The following SLC40A1 variants were observed in gnomAD, a reference collection of about 807,000 sequenced individuals.
The protein encoded by SLC40A1 is ferroportin.
In SLC40A1, 16 loss-of-function variants were observed where a neutral mutation model predicts 53.5. The observed-to-expected ratio is 0.30, with a 90% CI of 0.20 to 0.45. SLC40A1 has a LOEUF of 0.45. SLC40A1 is among the 20% of genes least tolerant of loss of function. SLC40A1 has a pLI of 1.00. For missense variants in SLC40A1, 545 were observed against 695.4 expected (o/e 0.78, Z 2.43); for synonymous variants, 247 against 253.2 (o/e 0.98, Z 0.23).
chr2:189,573,390 C>G (rs770231940), intron 3 of SLC40A1, among the ~76,000 whole-genome samples: 24 of 152,320 alleles, frequency 1.6e-4, no homozygotes, highest in Non-Finnish European at 2.8e-4. Context: ...CAGGCTGAAT[C>G]TGATAATATG....
At chr2:189,566,099 A>G (rs1012800322) in intron 5 of SLC40A1, among the ~76,000 whole-genome samples, 1 of 152,184 alleles carries the variant, frequency 6.6e-6, no homozygotes, top group Non-Finnish European at 1.5e-5. Flanking sequence ...TTTATTAAAT[A>G]CTATGGTGAA....
chr2:189,575,015 G>A, intron 3 of SLC40A1, 146 bp downstream of exon 3: 1 of 872,590 alleles, frequency 1.1e-6, no homozygotes, highest in Non-Finnish European at 1.9e-6. Context: ...ATCCAGAGGT[G>A]GTGCCATCTA....
At position 189,579,861 on chromosome 2, in the gene SLC40A1, C is replaced by T; in HGVS notation, c.63G>A (p.Leu21=). The part of the protein sequence containing the change: ...RGCCGSLADY[L]TSAKFLLYLG... Reference sequence around the variant, plus strand: ...GGTAGAGAAGGAATTTTGCAGAGGTCAGGTAGTCGGCCAAGGATCCTGCAA... The same window carrying T: ...GGTAGAGAAGGAATTTTGCAGAGGTTAGGTAGTCGGCCAAGGATCCTGCAA... The change falls in exon 2 of 8, where the codon CTG becomes CTA. Residue 21 remains leucine, a synonymous_variant. Transcript: ENST00000261024. 3.7e-6 allele frequency: 6 copies of T among 1,614,158 alleles called. No individual in the cohort carries two copies. The highest frequency in any genetic ancestry group is 4.2e-6 in the Non-Finnish European group (5 of 1,180,026).
intron 2 of SLC40A1, among the ~76,000 whole-genome samples, chr2:189,576,143 A>T (rs1325952294): frequency 2.0e-5 from 3 of 152,196 alleles, no homozygotes; most frequent in Non-Finnish European, 4.4e-5. Flanking sequence ...ATGTCTTAAA[A>T]AATCTACAGT....
At chr2:189,578,289 A>G in intron 2 of SLC40A1, 1 of 1,002,038 alleles carries the variant, frequency 1.0e-6, no homozygotes, top group Non-Finnish European at 1.2e-6. Flanking sequence ...TAAACCTTAT[A>G]TGATTGTAGT....
At chr2:189,568,290 A>C (rs10199569) in intron 5 of SLC40A1, among the ~76,000 whole-genome samples, 128,847 of 152,032 alleles carry the variant, frequency 0.85, 55,036 homozygotes, top group East Asian at 0.91. Flanking sequence ...AGATCAAGAC[A>C]ATCCTGGCTA....
intron 5 of SLC40A1, among the ~76,000 whole-genome samples, chr2:189,566,848 A>G (rs1331536258): frequency 1.3e-5 from 2 of 152,192 alleles, no homozygotes; most frequent in Admixed American, 6.5e-5. Flanking sequence ...GTCCTCTAGG[A>G]AAGTGGAGAA....
At chr2:189,580,279 A>G in intron 1 of SLC40A1, 139 bp downstream of exon 1, 1 of 956,194 alleles carries the variant, frequency 1.0e-6, no homozygotes, top group East Asian at 2.4e-5. Context: ...CTTAACGTCC[A>G]CCAAATATGA....
chr2:189,572,800 C>T (rs1343407516), intron 4 of SLC40A1, 46 bp downstream of exon 4: 3 of 1,333,978 alleles, frequency 2.2e-6, no homozygotes, highest in East Asian at 2.3e-5. Context: ...TTTACCACTA[C>T]CAGATATTCA....
intron 3 of SLC40A1, among the ~76,000 whole-genome samples, chr2:189,573,368 C>T (rs1574244269): frequency 6.6e-6 from 1 of 152,208 alleles, no homozygotes; most frequent in Admixed American, 6.5e-5. Context: ...AAATCTACAA[C>T]CTCCTACATG....
chr2:189,574,937 G>A (rs911216991), intron 3 of SLC40A1, among the ~76,000 whole-genome samples: 13 of 152,168 alleles, frequency 8.5e-5, no homozygotes, highest in African/African-American at 2.9e-4. Flanking sequence ...AACAGCCAAA[G>A]ATACAAAAAA....
At position 189,580,694 on chromosome 2, in the gene SLC40A1, G is replaced by C; in HGVS notation, c.-234C>G. 1 of 1,462,922 alleles carries C rather than the reference G, an allele frequency of 6.8e-7. No homozygotes were observed. Among genetic ancestry groups the C allele is most frequent in the Non-Finnish European group, 9.0e-7 (1 of 1,109,718 alleles). The allele number at this position is 1,462,922 out of a possible 1,614,324, so 90.6% of individuals were successfully genotyped here. A position where few individuals can be genotyped will look rare whatever the true frequency, so the allele number is the denominator to read the frequency against. On this transcript the variant is annotated 5_prime_UTR_variant, in exon 1 of 8. Transcript: ENST00000261024. Reference sequence around the variant, plus strand: ...CTAACACTGTAGCTGAAGTTGGAAAGGCAAAGCCTTATGGAAGCGGTTTGG... The same window carrying C: ...CTAACACTGTAGCTGAAGTTGGAAACGCAAAGCCTTATGGAAGCGGTTTGG...
rs2031030630 is a variant in SLC40A1 at position 189,568,766 on chromosome 2, A to G, written c.514+2949T>C. ...TTTGTCTACTTCATATATGAAATCG[A>G]TTTTTAATCAATACCACACGAACAC... On this transcript the variant is annotated intron_variant, in intron 5 of 7. Transcript: ENST00000261024. Among the ~76,000 whole-genome samples, 5 of 152,344 alleles carry G rather than the reference A, an allele frequency of 3.3e-5. No individual in the cohort carries two copies. The South Asian group carries it at 1.0e-3, about 32-fold the overall frequency.
intron 2 of SLC40A1, among the ~76,000 whole-genome samples, chr2:189,579,199 G>A (rs371208224): frequency 1.3e-5 from 2 of 152,166 alleles, no homozygotes; most frequent in East Asian, 3.8e-4. Flanking sequence ...TAAATCCATT[G>A]CTGATATTCA....
rs1559016560 is a variant in SLC40A1 at position 189,580,610 on chromosome 2, G to A, written c.-150C>T. 7.7e-6 allele frequency: 12 copies of A among 1,554,370 alleles called. No individual in the cohort carries two copies. The highest frequency in any genetic ancestry group is 1.4e-5 in the African/African-American group (1 of 73,610). On this transcript the variant is annotated 5_prime_UTR_variant, in exon 1 of 8. Coordinates refer to ENST00000261024, the MANE Select transcript of SLC40A1 (RefSeq NM_014585.6). ...CAAAAAGACTACAACGACGACTTTGGCAAAGAACAAAAGAAAAGGGGCCCA... is the reference window on the plus strand; with the variant it reads ...CAAAAAGACTACAACGACGACTTTGACAAAGAACAAAAGAAAAGGGGCCCA...
chr2:189,568,685 T>C (rs1272175781), intron 5 of SLC40A1, among the ~76,000 whole-genome samples: 2 of 152,226 alleles, frequency 1.3e-5, no homozygotes, highest in African/African-American at 2.4e-5. Flanking sequence ...ACTACTTCTA[T>C]TATAATGGGT....
intron 2 of SLC40A1, among the ~76,000 whole-genome samples, chr2:189,575,877 G>A (rs540012410): frequency 2.0e-5 from 3 of 152,252 alleles, no homozygotes; most frequent in East Asian, 1.9e-4. Context: ...GTCATAATTC[G>A]AAAGTCATAA....
Position 189,564,108 on chromosome 2 carries a change from C to A in SLC40A1, c.878G>T (p.Arg293Leu). The change falls in exon 7 of 8, where the codon CGT (arginine) becomes CTT (leucine). Residue 293 changes from arginine to leucine, a missense_variant. Physicochemically the swap from Arg to Leu is moderately radical, Grantham distance 102 (BLOSUM62 -2). This residue lies in a region of SLC40A1 where 107 missense variants were observed against 91.0 expected (regional missense o/e 1.18). Coordinates refer to ENST00000261024, the MANE Select transcript of SLC40A1 (RefSeq NM_014585.6). ...GGAGACCCATCCATCTCGGAAGGTACGGAAGGGCTCAGCCATCTGGGAGGC... is the reference window on the plus strand; with the variant it reads ...GGAGACCCATCCATCTCGGAAGGTAAGGAAGGGCTCAGCCATCTGGGAGGC... Reference protein sequence around the residue: ...TCASQMAEPFRTFRDGWVSYY... With the variant: ...TCASQMAEPFLTFRDGWVSYY... 1.2e-6 allele frequency: 2 copies of A among 1,611,172 alleles called. No homozygotes were observed. The highest frequency in any genetic ancestry group is 1.7e-6 in the Non-Finnish European group (2 of 1,178,558).
At chr2:189,566,713 C>T (rs1007892369) in intron 5 of SLC40A1, among the ~76,000 whole-genome samples, 1 of 152,148 alleles carries the variant, frequency 6.6e-6, no homozygotes, top group East Asian at 1.9e-4. Flanking sequence ...GGTGGAATCA[C>T]ATGGAAGCTT....
Sources: allele counts gnomAD v4.1 joint callset (sites outside exome capture counted in the v4.1 genomes callset), GRCh38; gene constraint gnomAD v4.1.1; regional missense constraint gnomAD v4.1.1; transcripts MANE v1.5; gene names NCBI Gene and HGNC (gene_info 2026-07-23, HGNC 2026-07-21).